Variants in NCOA3 observed in about 807,000 individuals in gnomAD.
The protein encoded by NCOA3 is nuclear receptor coactivator 3.
A neutral mutation model predicts 158.8 loss-of-function variants in NCOA3; 51 were observed. The ratio of observed to expected loss-of-function variants is 0.32; its 90% CI spans 0.26 to 0.41. The LOEUF (loss-of-function observed/expected upper bound fraction) is 0.41, where lower values mean the gene tolerates loss of function less well. Ranked by LOEUF, NCOA3 falls within the 10% of genes least tolerant of loss-of-function variation. The pLI is 1.00. For synonymous variants in NCOA3, 537 were observed against 592.4 expected, an observed-to-expected ratio of 0.91 and a Z score of 1.36; for missense variants, 1,510 against 1,746.6, an observed-to-expected ratio of 0.86 and a Z score of 2.41.
At chr20:47,533,448 C>T (rs1484497700) in intron 1 of NCOA3, among the ~76,000 whole-genome samples, 1 of 152,026 alleles carries the variant, frequency 6.6e-6, no homozygotes, top group Non-Finnish European at 1.5e-5. Flanking sequence ...CTAGCAACCG[C>T]ATCATCCATT....
intron 1 of NCOA3, among the ~76,000 whole-genome samples, chr20:47,538,961 T>C (rs1465936006): frequency 1.3e-5 from 2 of 152,250 alleles, no homozygotes; most frequent in African/African-American, 4.8e-5. Flanking sequence ...GTTTTACTTT[T>C]TCTCAAACCT....
chr20:47,566,384 G>A (rs1021383554), intron 1 of NCOA3, among the ~76,000 whole-genome samples: 5 of 152,052 alleles, frequency 3.3e-5, no homozygotes, highest in Admixed American at 6.6e-5. Context: ...ATTATATAGC[G>A]CTATCTGTCT....
In NCOA3 at chr20:47,639,596, G is replaced by A. The variant is rs1370432133; in HGVS notation, c.2727G>A (p.Val909=). The change falls in exon 15 of 23, where the codon GTG becomes GTA. Residue 909 remains valine, a synonymous_variant. Coordinates refer to ENST00000371998, the MANE Select transcript of NCOA3 (RefSeq NM_181659.3). ...TTTTAGGTGGGCCAAACCGAAATGTGACTGTGACTCAGACTCCTTCCTCAG... is the reference window on the plus strand; with the variant it reads ...TTTTAGGTGGGCCAAACCGAAATGTAACTGTGACTCAGACTCCTTCCTCAG... ...GSSMGGPNRN[V]TVTQTPSSGD... is the part of the protein sequence containing the mutation. The A allele has an allele frequency of 1.9e-6, 3 of 1,613,482 alleles. No individual in the cohort carries two copies. In the Admixed American group the frequency reaches 5.0e-5, roughly 27 times the overall value.
intron 1 of NCOA3, among the ~76,000 whole-genome samples, chr20:47,558,082 A>AGTCT (rs1201304814): frequency 7.7e-6 from 1 of 129,856 alleles, no homozygotes; most frequent in African/African-American, 2.9e-5. Flanking sequence ...TTTGAGATGG[A>AGTCT]GTCTGTCTCT....
chr20:47,559,829 T>G (rs2085069660), intron 1 of NCOA3, among the ~76,000 whole-genome samples: 2 of 151,976 alleles, frequency 1.3e-5, no homozygotes, highest in Admixed American at 1.3e-4. Context: ...TTTTTGTATT[T>G]TTAGCAGAGA....
chr20:47,505,274 G>GGTCTCGCCT (rs1003931346), intron 1 of NCOA3, among the ~76,000 whole-genome samples: 31 of 151,558 alleles, frequency 2.0e-4, no homozygotes, highest in African/African-American at 7.3e-4. Context: ...TGGCCAGGCT[G>GGTCTCGCCT]GTCTCGAACT....
At chr20:47,600,837 A>G (rs1050754070) in intron 2 of NCOA3, among the ~76,000 whole-genome samples, 14 of 151,152 alleles carry the variant, frequency 9.3e-5, no homozygotes, top group African/African-American at 2.9e-4. Context: ...AAAAAAAGAT[A>G]GAATTCAAAA....
intron 1 of NCOA3, among the ~76,000 whole-genome samples, chr20:47,512,977 C>T (rs2084171273): frequency 6.6e-6 from 1 of 151,988 alleles, no homozygotes. Context: ...GCCAACATGG[C>T]AAAACCTGGT....
In NCOA3 at chr20:47,653,561, C is replaced by A; in HGVS notation, c.*144C>A. On this transcript the variant is annotated 3_prime_UTR_variant, in exon 23 of 23. Coordinates refer to ENST00000371998, the MANE Select transcript of NCOA3 (RefSeq NM_181659.3). ...CCATCAAGGGTATTTTAAGTGATGT[C>A]ATTTGAGCAGGACTGGATTTTAAGC... The A allele has an allele frequency of 3.1e-6, 3 of 982,404 alleles. No individual in the cohort carries two copies. The highest frequency in any genetic ancestry group is 1.4e-5 in the South Asian group (1 of 69,464). The allele number at this position is 982,404 out of a possible 1,614,324, so 60.9% of individuals were successfully genotyped here.
At chr20:47,610,683 C>T (rs1285529297) in intron 2 of NCOA3, among the ~76,000 whole-genome samples, 3 of 152,124 alleles carry the variant, frequency 2.0e-5, no homozygotes, top group South Asian at 2.1e-4. Context: ...CTTGCCGTGT[C>T]GTGTTGCTAG....
chr20:47,505,865 G>A (rs2084024812), intron 1 of NCOA3, among the ~76,000 whole-genome samples: 1 of 137,510 alleles, frequency 7.3e-6, no homozygotes. Flanking sequence ...GCAGTGGCAT[G>A]ATCTCGGCTC....
chr20:47,563,285 ATT>A (rs1424956295), intron 1 of NCOA3, among the ~76,000 whole-genome samples: 1 of 152,124 alleles, frequency 6.6e-6, no homozygotes, highest in Non-Finnish European at 1.5e-5. Flanking sequence ...ATTATTTGTC[ATT>A]TTACCACTTA....
intron 1 of NCOA3, among the ~76,000 whole-genome samples, chr20:47,582,555 T>A (rs1055672566): frequency 6.6e-6 from 1 of 151,292 alleles, no homozygotes; most frequent in Non-Finnish European, 1.5e-5. Context: ...TGTGTGGAGA[T>A]GGTGTCTTGC....
At chr20:47,553,622 C>A (rs2084956412) in intron 1 of NCOA3, among the ~76,000 whole-genome samples, 1 of 135,664 alleles carries the variant, frequency 7.4e-6, no homozygotes, top group Non-Finnish European at 1.5e-5. Context: ...TTGTTCAATT[C>A]CCACCTATGA....
intron 1 of NCOA3, among the ~76,000 whole-genome samples, chr20:47,523,677 T>A (rs2084381309): frequency 6.6e-6 from 1 of 152,168 alleles, no homozygotes; most frequent in Admixed American, 6.5e-5. Flanking sequence ...ACTAGAGGTG[T>A]TAATCCCAAA....
chr20:47,502,289 G>T (rs2083945556), intron 1 of NCOA3, among the ~76,000 whole-genome samples: 1 of 152,168 alleles, frequency 6.6e-6, no homozygotes, highest in Non-Finnish European at 1.5e-5. Context: ...GTCCCCGCGC[G>T]GAGGGGTCAC....
chr20:47,541,290 C>T (rs1227161982), intron 1 of NCOA3, among the ~76,000 whole-genome samples: 1 of 145,568 alleles, frequency 6.9e-6, no homozygotes, highest in Admixed American at 7.1e-5. Context: ...AAGCATTAAT[C>T]CCCTTTACAT....
At chr20:47,610,743 T>G (rs1161678294) in intron 2 of NCOA3, among the ~76,000 whole-genome samples, 2 of 152,222 alleles carry the variant, frequency 1.3e-5, no homozygotes, top group Admixed American at 1.3e-4. Context: ...GACATCTCTC[T>G]GTTCTACCTT....
chr20:47,556,525 T>C (rs1462647534), intron 1 of NCOA3, among the ~76,000 whole-genome samples: 3 of 152,164 alleles, frequency 2.0e-5, no homozygotes, highest in African/African-American at 7.2e-5. Flanking sequence ...AGTTTTCTTT[T>C]CCCCTTTTTT....
Sources: gnomAD v4.1 joint callset for allele counts (sites outside exome capture counted in the v4.1 genomes callset) on GRCh38, gnomAD v4.1.1 for gene constraint, MANE v1.5 for transcripts, NCBI Gene and HGNC (gene_info 2026-07-23, HGNC 2026-07-21) for gene names.